The following KIF6 variants were observed in gnomAD, a reference collection of about 807,000 sequenced individuals.
KIF6 encodes the protein kinesin-like protein KIF6.
Under a neutral mutation model 112.7 loss-of-function variants are expected in KIF6, and 106 were observed. That is an observed-to-expected ratio of 0.94 (90% confidence interval 0.80 to 1.11). KIF6 has a LOEUF of 1.11. Ranked by LOEUF, KIF6 falls within the 50% of genes least tolerant of loss-of-function variation. KIF6 has a pLI of 0.00. For missense variants in KIF6, 929 were observed against 964.0 expected, an observed-to-expected ratio of 0.96 and a Z score of 0.48; for synonymous variants, 339 against 339.9, an observed-to-expected ratio of 1.00 and a Z score of 0.03.
intron 13 of KIF6, among the ~76,000 whole-genome samples, chr6:39,534,671 A>G (rs946709228): frequency 6.6e-6 from 1 of 152,242 alleles, no homozygotes; most frequent in African/African-American, 2.4e-5. Flanking sequence ...TCCCCAATCG[A>G]GCAAGGCAGG....
intron 13 of KIF6, among the ~76,000 whole-genome samples, chr6:39,495,301 A>C (rs1475156481): frequency 6.6e-6 from 1 of 152,202 alleles, no homozygotes; most frequent in East Asian, 1.9e-4. Context: ...AGCGATTTGC[A>C]GCAGCGAGAG....
intron 3 of KIF6, among the ~76,000 whole-genome samples, chr6:39,689,727 CCCAAGTAA>C (rs1417885433): frequency 3.3e-5 from 5 of 152,072 alleles, no homozygotes; most frequent in Non-Finnish European, 2.9e-5. Flanking sequence ...CACTCAGCCT[CCCAAGTAA>C]CTGGACCCAC....
intron 5 of KIF6, among the ~76,000 whole-genome samples, chr6:39,626,371 C>T (rs1784093372): frequency 6.6e-6 from 1 of 152,080 alleles, no homozygotes; most frequent in South Asian, 2.1e-4. Context: ...CCTAAAGAAA[C>T]CTAGAAACCA....
At chr6:39,408,175 G>A (rs1328386) in intron 15 of KIF6, among the ~76,000 whole-genome samples, 139,835 of 152,200 alleles carry the variant, frequency 0.92, 64,486 homozygotes, top group East Asian at 1. Flanking sequence ...ATAACGAAAT[G>A]CCATATTTTG....
intron 16 of KIF6, among the ~76,000 whole-genome samples, chr6:39,364,308 A>C (rs185981916): frequency 1.3e-3 from 202 of 152,098 alleles, no homozygotes; most frequent in African/African-American, 4.6e-3. Flanking sequence ...TTTAGTAGAG[A>C]TGGGGTTTCA....
chr6:39,695,482 TG>T (rs2113817779), intron 3 of KIF6, among the ~76,000 whole-genome samples: 1 of 152,062 alleles, frequency 6.6e-6, no homozygotes, highest in South Asian at 2.1e-4. Context: ...ACAACCACAT[TG>T]AAAAGTGGAC....
At chr6:39,590,265 C>T (rs900305126) in intron 7 of KIF6, among the ~76,000 whole-genome samples, 6 of 151,936 alleles carry the variant, frequency 3.9e-5, no homozygotes, top group Admixed American at 2.6e-4. Context: ...TCTCTAAGTA[C>T]TTTGAAGTTC....
At chr6:39,542,878 A>T (rs1446408945) in intron 12 of KIF6, among the ~76,000 whole-genome samples, 1 of 152,180 alleles carries the variant, frequency 6.6e-6, no homozygotes, top group Non-Finnish European at 1.5e-5. Flanking sequence ...CCAGGTATGA[A>T]TTGAAGTGCA....
At chr6:39,434,721 G>A (rs1009873220) in intron 13 of KIF6, among the ~76,000 whole-genome samples, 1 of 152,180 alleles carries the variant, frequency 6.6e-6, no homozygotes, top group Non-Finnish European at 1.5e-5. Flanking sequence ...CTCAGCGAGA[G>A]TGGGAGAAGG....
At chr6:39,646,201 T>C (rs151338923) in intron 3 of KIF6, among the ~76,000 whole-genome samples, 4 of 150,080 alleles carry the variant, frequency 2.7e-5, no homozygotes, top group African/African-American at 9.8e-5. Flanking sequence ...AATCTCAAGA[T>C]ACAATGTCTA....
In KIF6 at chr6:39,345,712, G is replaced by A. The variant is rs765853513; in HGVS notation, c.2309C>T (p.Pro770Leu). The A allele has an allele frequency of 1.9e-6, 3 of 1,613,396 alleles. No homozygotes were observed. The highest frequency in any genetic ancestry group is 4.5e-5 in the East Asian group (2 of 44,866). Residue 770 changes from proline to leucine, a missense_variant, in exon 21 of 23, where the codon CCA (proline) becomes CTA (leucine). This residue lies in a region of KIF6 where 241 missense variants were observed against 301.4 expected (regional missense o/e 0.80). Coordinates refer to ENST00000287152, the MANE Select transcript of KIF6 (RefSeq NM_145027.6). ...HSQKQSSTST[P>L]LEDSIPKRPV... is the part of the protein sequence containing the mutation. Reference sequence around the variant, plus strand: ...GAAGACCACAGACCTGTCTTCCAGTGGGGTGCTGGTGCTGCTCTGTTTCTG... The same window carrying A: ...GAAGACCACAGACCTGTCTTCCAGTAGGGTGCTGGTGCTGCTCTGTTTCTG...
chr6:39,340,415 T>C (rs968895636), intron 22 of KIF6, among the ~76,000 whole-genome samples: 1 of 152,150 alleles, frequency 6.6e-6, no homozygotes, highest in Non-Finnish European at 1.5e-5. Context: ...TGGGCATATC[T>C]TGGTAGTTGC....
intron 15 of KIF6, among the ~76,000 whole-genome samples, chr6:39,396,018 TA>T (rs1362645777): frequency 6.6e-6 from 1 of 151,896 alleles, no homozygotes; most frequent in South Asian, 2.1e-4. Context: ...AGTTAGTGCT[TA>T]AAAAAAAGTC....
chr6:39,385,747 C>G, intron 15 of KIF6, 75 bp from the exon 16 acceptor site: 1 of 589,130 alleles, frequency 1.7e-6, no homozygotes, highest in South Asian at 1.9e-5. Context: ...AAGCATGTGG[C>G]AAGCTACAGA....
chr6:39,438,666 G>A (rs190049551), intron 13 of KIF6, among the ~76,000 whole-genome samples: 2 of 152,150 alleles, frequency 1.3e-5, no homozygotes, highest in East Asian at 3.8e-4. Flanking sequence ...AGGCTTATAA[G>A]ATAAAAAGTT....
At chr6:39,438,175 T>G (rs975703450) in intron 13 of KIF6, among the ~76,000 whole-genome samples, 1 of 152,164 alleles carries the variant, frequency 6.6e-6, no homozygotes, top group African/African-American at 2.4e-5. Flanking sequence ...GATTTCACCA[T>G]GTTGACCAGG....
intron 5 of KIF6, among the ~76,000 whole-genome samples, chr6:39,614,034 GC>G (rs934841094): frequency 6.6e-6 from 1 of 152,070 alleles, no homozygotes; most frequent in African/African-American, 2.4e-5. Flanking sequence ...GCATCCTGAT[GC>G]CAACACCGTT....
intron 19 of KIF6, among the ~76,000 whole-genome samples, chr6:39,348,445 C>T (rs1034494250): frequency 2.0e-5 from 3 of 152,042 alleles, no homozygotes; most frequent in Non-Finnish European, 2.9e-5. Flanking sequence ...TGGGGGCTCT[C>T]GAGGGAAATG....
intron 15 of KIF6, among the ~76,000 whole-genome samples, chr6:39,415,466 T>C (rs906674806): frequency 5.3e-5 from 8 of 152,188 alleles, no homozygotes; most frequent in South Asian, 2.1e-4. Flanking sequence ...TGAGATAACA[T>C]AGGTCAAGTT....
Sources: allele counts gnomAD v4.1 joint callset (sites outside exome capture counted in the v4.1 genomes callset), GRCh38; gene constraint gnomAD v4.1.1; regional missense constraint gnomAD v4.1.1; transcripts MANE v1.5; gene names NCBI Gene and HGNC (gene_info 2026-07-23, HGNC 2026-07-21).